PPP1R1C: variants seen among roughly 807,000 people sequenced by gnomAD.
The protein encoded by PPP1R1C is protein phosphatase 1 regulatory subunit 1C.
In PPP1R1C, 15 loss-of-function variants were observed where a neutral mutation model predicts 17.4. The ratio of observed to expected loss-of-function variants is 0.86; its 90% CI spans 0.58 to 1.33. PPP1R1C has a LOEUF of 1.33. Among genes scored for constraint, PPP1R1C ranks in the 40% most tolerant of loss-of-function variants. The pLI, the probability that PPP1R1C is intolerant of heterozygous loss-of-function variation, is 0.00. For missense variants in PPP1R1C, 143 were observed against 130.0 expected (o/e 1.10, Z -0.48); for synonymous variants, 35 against 43.1 (o/e 0.81, Z 0.73).
At chr2:182,061,948 T>C (rs1355052003) in intron 3 of PPP1R1C, among the ~76,000 whole-genome samples, 1 of 152,084 alleles carries the variant, frequency 6.6e-6, no homozygotes, top group East Asian at 1.9e-4. Context: ...AGAAATGTAC[T>C]CAGATTTAAA....
intron 2 of PPP1R1C, among the ~76,000 whole-genome samples, chr2:182,002,880 C>T (rs573831680): frequency 4.0e-5 from 6 of 150,734 alleles, no homozygotes; most frequent in African/African-American, 1.5e-4. Flanking sequence ...TTCTCACCTT[C>T]GTCTTCCATA....
rs187387519 is a variant in PPP1R1C at position 182,125,544 on chromosome 2, T to G, written c.*7-3430T>G. 2.0e-5 allele frequency among the ~76,000 whole-genome samples: 3 copies of G among 152,230 alleles called. No individual in the cohort carries two copies. In the East Asian group the frequency reaches 5.8e-4, roughly 29 times the overall value. ...ATCTGGTCCTGGGCTTTTTGGTTGG[T>G]AGGGTATTAATTACTGCCTCAATTT... is the stretch of plus-strand genomic sequence containing the variant. On this transcript the variant is annotated intron_variant, in intron 5 of 5. Transcript: ENST00000280295.
At chr2:182,094,782 G>A (rs1401920803) in intron 4 of PPP1R1C, among the ~76,000 whole-genome samples, 3 of 152,186 alleles carry the variant, frequency 2.0e-5, no homozygotes, top group Non-Finnish European at 4.4e-5. Flanking sequence ...ACTCCCACAT[G>A]CTTAGTGTTC....
intron 2 of PPP1R1C, among the ~76,000 whole-genome samples, chr2:182,056,502 A>C (rs1383025449): frequency 6.6e-6 from 1 of 152,172 alleles, no homozygotes; most frequent in Non-Finnish European, 1.5e-5. Context: ...GAAGCCCTCC[A>C]ATTTCCACTA....
At chr2:181,977,333 C>T (rs538328246) in intron 2 of PPP1R1C, among the ~76,000 whole-genome samples, 1 of 151,904 alleles carries the variant, frequency 6.6e-6, no homozygotes, top group East Asian at 1.9e-4. Context: ...ATCTTTATTT[C>T]CATGTTGTTA....
At chr2:181,996,731 T>C (rs914746532) in intron 2 of PPP1R1C, among the ~76,000 whole-genome samples, 1 of 152,216 alleles carries the variant, frequency 6.6e-6, no homozygotes, top group African/African-American at 2.4e-5. Context: ...GGGAGCAATT[T>C]TCCATCATTA....
intron 5 of PPP1R1C, among the ~76,000 whole-genome samples, chr2:182,127,835 A>T (rs1253068061): frequency 6.6e-6 from 1 of 152,056 alleles, no homozygotes; most frequent in African/African-American, 2.4e-5. Context: ...CCAAGTGAAC[A>T]GAGTTTTGGG....
At chr2:182,054,569 CTTT>C (rs113398204) in intron 2 of PPP1R1C, among the ~76,000 whole-genome samples, 2 of 147,218 alleles carry the variant, frequency 1.4e-5, no homozygotes, top group African/African-American at 5.0e-5. Context: ...TTGAAATTGG[CTTT>C]TTTTTTTCAC....
chr2:182,103,228 T>A (rs1689150738), intron 4 of PPP1R1C, among the ~76,000 whole-genome samples: 1 of 152,216 alleles, frequency 6.6e-6, no homozygotes. Flanking sequence ...AATTAAACAC[T>A]TTTTCCCCTA....
intron 2 of PPP1R1C, among the ~76,000 whole-genome samples, chr2:182,037,027 C>T (rs1687032133): frequency 6.6e-6 from 1 of 152,252 alleles, no homozygotes; most frequent in South Asian, 2.1e-4. Context: ...ATTAGAGAGG[C>T]TAAATACCAG....
At chr2:181,999,020 A>T (rs908905043) in intron 2 of PPP1R1C, among the ~76,000 whole-genome samples, 1 of 152,178 alleles carries the variant, frequency 6.6e-6, no homozygotes, top group African/African-American at 2.4e-5. Context: ...TTAGCCAATA[A>T]AGGACAATTT....
At chr2:182,106,469 G>A (rs552067123) in intron 4 of PPP1R1C, among the ~76,000 whole-genome samples, 43 of 152,280 alleles carry the variant, frequency 2.8e-4, no homozygotes, top group African/African-American at 5.1e-4. Flanking sequence ...GGTGGTGGTC[G>A]GACGAGAGCC....
intron 1 of PPP1R1C, 102 bp from the exon 2 acceptor site, chr2:181,987,737 A>T (rs1348346339): frequency 8.5e-7 from 1 of 1,180,326 alleles, no homozygotes; most frequent in Non-Finnish European, 1.2e-6. Flanking sequence ...TTGCTTTTGC[A>T]TGTGGGGAAA....
chr2:181,996,854 A>G (rs138610538), intron 2 of PPP1R1C, among the ~76,000 whole-genome samples: 8 of 152,326 alleles, frequency 5.3e-5, no homozygotes, highest in African/African-American at 4.8e-5. Flanking sequence ...TTGGAATCCA[A>G]TTTTTAGAAT....
intron 2 of PPP1R1C, among the ~76,000 whole-genome samples, chr2:182,049,680 C>T (rs1174342034): frequency 6.6e-6 from 1 of 152,038 alleles, no homozygotes; most frequent in Non-Finnish European, 1.5e-5. Context: ...TCATGTATTC[C>T]AATAATAAAT....
intron 4 of PPP1R1C, among the ~76,000 whole-genome samples, chr2:182,096,001 A>AG (rs1456328241): frequency 6.6e-6 from 1 of 152,026 alleles, no homozygotes; most frequent in Non-Finnish European, 1.5e-5. Context: ...ACTCTAAAAA[A>AG]AAAAAAAAGG....
intron 1 of PPP1R1C, among the ~76,000 whole-genome samples, chr2:181,974,146 A>G (rs1685057906): frequency 6.6e-6 from 1 of 152,136 alleles, no homozygotes; most frequent in Non-Finnish European, 1.5e-5. Flanking sequence ...AAGGTAAAAA[A>G]AAGTCATTAA....
chr2:181,978,069 A>T (rs973868075), intron 2 of PPP1R1C, among the ~76,000 whole-genome samples: 2 of 152,208 alleles, frequency 1.3e-5, no homozygotes, highest in Non-Finnish European at 2.9e-5. Context: ...ACAAAGAAAG[A>T]ACAAAGGGAT....
chr2:182,031,908 A>G (rs1357657747), intron 2 of PPP1R1C, among the ~76,000 whole-genome samples: 3 of 152,218 alleles, frequency 2.0e-5, no homozygotes, highest in Non-Finnish European at 4.4e-5. Flanking sequence ...ATTGTACCAT[A>G]TCTTATTTTT....
Sources: gnomAD v4.1 joint callset for allele counts (sites outside exome capture counted in the v4.1 genomes callset) on GRCh38, gnomAD v4.1.1 for gene constraint, MANE v1.5 for transcripts, NCBI Gene and HGNC (gene_info 2026-07-23, HGNC 2026-07-21) for gene names.